ERG: variants seen among roughly 807,000 people sequenced by gnomAD.
ERG encodes the protein transcriptional regulator ERG.
ERG carries 9 observed loss-of-function variants against 55.3 expected under a neutral mutation model. The ratio of observed to expected loss-of-function variants is 0.16; its 90% CI spans 0.10 to 0.28. The LOEUF (loss-of-function observed/expected upper bound fraction) is 0.28, where lower values mean the gene tolerates loss of function less well. Ranked by LOEUF, ERG falls within the 10% of genes least tolerant of loss-of-function variation. The probability of loss-of-function intolerance (pLI) is 1.00; values close to 1 mark genes in which losing one functional copy is unlikely to be tolerated. For missense variants in ERG, 434 were observed against 631.6 expected, an observed-to-expected ratio of 0.69 and a Z score of 3.35; for synonymous variants, 223 against 237.3, an observed-to-expected ratio of 0.94 and a Z score of 0.55.
intron 1 of ERG, among the ~76,000 whole-genome samples, chr21:38,616,433 T>C (rs1478050801): frequency 6.6e-6 from 1 of 152,160 alleles, no homozygotes; most frequent in Non-Finnish European, 1.5e-5. Context: ...TAATTTTGCA[T>C]ACCTTTGAAC....
intron 1 of ERG, chr21:38,660,625 C>T (rs551051628): frequency 6.6e-6 from 1 of 152,080 alleles, no homozygotes; most frequent in South Asian, 2.1e-4. Flanking sequence ...CCGTGCGCGC[C>T]GAGCCGGGTC....
At chr21:38,427,388 T>G (rs1259181850) in intron 2 of ERG, among the ~76,000 whole-genome samples, 1 of 152,218 alleles carries the variant, frequency 6.6e-6, no homozygotes, top group Non-Finnish European at 1.5e-5. Context: ...TCTTGCAAAT[T>G]TTAACAGCAA....
At chr21:38,642,932 C>T (rs959214411) in intron 1 of ERG, among the ~76,000 whole-genome samples, 2 of 152,230 alleles carry the variant, frequency 1.3e-5, no homozygotes, top group Non-Finnish European at 2.9e-5. Flanking sequence ...AGAGGGCACA[C>T]CCTGTGCCTT....
chr21:38,467,583 G>A (rs1045590199), intron 1 of ERG, among the ~76,000 whole-genome samples: 3 of 152,150 alleles, frequency 2.0e-5, no homozygotes, highest in Non-Finnish European at 2.9e-5. Flanking sequence ...ACACACCCGC[G>A]GAGGTTCTGT....
At chr21:38,508,001 ACACACACAGAGACACACAAACACACATG>A (rs1326169327) in intron 2 of ERG, among the ~76,000 whole-genome samples, 13 of 87,004 alleles carry the variant, frequency 1.5e-4, no homozygotes, top group African/African-American at 4.0e-4. Context: ...ACACACATGC[ACACACACAGAGACACACAAACACACATG>A]CACACAAAGA....
At chr21:38,610,312 A>G (rs2060218429) in intron 1 of ERG, among the ~76,000 whole-genome samples, 1 of 152,238 alleles carries the variant, frequency 6.6e-6, no homozygotes, top group Non-Finnish European at 1.5e-5. Context: ...TAATGGGTTC[A>G]AGGGTGGTGG....
chr21:38,492,427 G>A (rs2059344598), intron 1 of ERG, among the ~76,000 whole-genome samples: 1 of 152,108 alleles, frequency 6.6e-6, no homozygotes, highest in African/African-American at 2.4e-5. Flanking sequence ...AAAAACATAA[G>A]AATTCTATTT....
intron 1 of ERG, among the ~76,000 whole-genome samples, chr21:38,636,545 G>C (rs2060390088): frequency 6.6e-6 from 1 of 152,182 alleles, no homozygotes; most frequent in South Asian, 2.1e-4. Context: ...ATTTACTCAA[G>C]CCAAGGAATG....
chr21:38,400,835 C>G (rs966321128), intron 5 of ERG, among the ~76,000 whole-genome samples, 190 bp from the exon 6 acceptor site: 12 of 152,294 alleles, frequency 7.9e-5, no homozygotes, highest in African/African-American at 2.6e-4. Context: ...AAACTTGGAG[C>G]CTTGGTGTAC....
At chr21:38,650,994 T>C (rs2060485435) in intron 1 of ERG, among the ~76,000 whole-genome samples, 1 of 152,218 alleles carries the variant, frequency 6.6e-6, no homozygotes, top group Non-Finnish European at 1.5e-5. Flanking sequence ...AATAAGAAAT[T>C]TGTCATCAAG....
chr21:38,600,170 G>C (rs1036968575), intron 1 of ERG, among the ~76,000 whole-genome samples: 1 of 152,154 alleles, frequency 6.6e-6, no homozygotes, highest in Non-Finnish European at 1.5e-5. Context: ...AAACCTACCC[G>C]CAATCCCCAC....
intron 1 of ERG, among the ~76,000 whole-genome samples, chr21:38,596,686 C>T (rs771697013): frequency 2.6e-5 from 4 of 152,162 alleles, no homozygotes; most frequent in Non-Finnish European, 5.9e-5. Flanking sequence ...CCTTAGTTTC[C>T]TGGACATCTC....
intron 1 of ERG, among the ~76,000 whole-genome samples, chr21:38,459,157 C>T (rs1409427198): frequency 6.6e-6 from 1 of 152,204 alleles, no homozygotes; most frequent in Non-Finnish European, 1.5e-5. Context: ...ACTCAGGAGC[C>T]ACTCCAATGG....
chr21:38,378,402 G>T (rs1987298407), downstream of ERG, among the ~76,000 whole-genome samples: 1 of 152,206 alleles, frequency 6.6e-6, no homozygotes, highest in Admixed American at 6.5e-5. Flanking sequence ...CTTCTAAAAA[G>T]CTTTCTCTTG....
intron 1 of ERG, among the ~76,000 whole-genome samples, chr21:38,642,415 T>A (rs1019163103): frequency 6.6e-6 from 1 of 152,166 alleles, no homozygotes; most frequent in African/African-American, 2.4e-5. Flanking sequence ...ATATCACTTG[T>A]AAGTTTTAAA....
intron 2 of ERG, among the ~76,000 whole-genome samples, chr21:38,503,643 A>G (rs1161628860): frequency 6.6e-6 from 1 of 152,226 alleles, no homozygotes; most frequent in South Asian, 2.1e-4. Context: ...ACAAAACAAT[A>G]GGACAAAAGT....
downstream of ERG, among the ~76,000 whole-genome samples, chr21:38,377,471 T>C (rs1987274276): frequency 6.6e-6 from 1 of 152,162 alleles, no homozygotes; most frequent in African/African-American, 2.4e-5. Flanking sequence ...TTTAAAAAGG[T>C]TGGGCAAGTT....
intron 3 of ERG, among the ~76,000 whole-genome samples, chr21:38,416,395 G>T (rs1201177244): frequency 6.6e-6 from 1 of 152,070 alleles, no homozygotes; most frequent in East Asian, 1.9e-4. Context: ...CTTCTTTTTT[G>T]AAAGGAAAAA....
intron 1 of ERG, among the ~76,000 whole-genome samples, chr21:38,616,319 C>T (rs796281760): frequency 3.3e-5 from 5 of 152,112 alleles, no homozygotes; most frequent in African/African-American, 1.2e-4. Context: ...CTAATATACC[C>T]GTCTTGATCA....
Sources: allele counts gnomAD v4.1 joint callset (sites outside exome capture counted in the v4.1 genomes callset), GRCh38; gene constraint gnomAD v4.1.1; transcripts MANE v1.5; gene names NCBI Gene and HGNC (gene_info 2026-07-23, HGNC 2026-07-21).